The following MAST2 variants were observed in gnomAD, a reference collection of about 807,000 sequenced individuals.
MAST2 encodes the protein microtubule associated serine/threonine kinase 2, also known as microtubule-associated serine/threonine-protein kinase 2.
In MAST2, 70 loss-of-function variants were observed where a neutral mutation model predicts 147.4. The observed-to-expected ratio is 0.47, with a 90% confidence interval of 0.39 to 0.58. MAST2 has a LOEUF of 0.58. MAST2 is among the 20% of genes least tolerant of loss of function. MAST2 has a pLI of 0.00. For synonymous variants in MAST2, 869 were observed against 896.8 expected (o/e 0.97, Z 0.55); for missense variants, 2,080 against 2,302.3 (o/e 0.90, Z 1.98).
intron 2 of MAST2, among the ~76,000 whole-genome samples, chr1:45,827,093 G>T (rs952101527): frequency 6.6e-6 from 1 of 152,192 alleles, no homozygotes; most frequent in Non-Finnish European, 1.5e-5. Flanking sequence ...CTCCCAAAGT[G>T]CTGGAATTAC....
chr1:45,887,169 C>A (rs189360076), intron 4 of MAST2, among the ~76,000 whole-genome samples: 6 of 152,326 alleles, frequency 3.9e-5, no homozygotes, highest in African/African-American at 1.4e-4. Context: ...AGTACCTAGA[C>A]CCTGCATTTG....
intron 18 of MAST2, 129 bp from the exon 19 acceptor site, chr1:46,029,337 G>A: frequency 1.5e-6 from 1 of 675,258 alleles, no homozygotes; most frequent in Non-Finnish European, 2.5e-6. Context: ...GGGGTCCCAG[G>A]CAAGGCTTTC....
chr1:45,872,313 C>T (rs1186993394), intron 3 of MAST2, among the ~76,000 whole-genome samples: 1 of 152,168 alleles, frequency 6.6e-6, no homozygotes, highest in Non-Finnish European at 1.5e-5. Context: ...CAAGGACCAG[C>T]CTTGTGACTC....
At chr1:45,836,933 C>T (rs1570304902) in intron 3 of MAST2, among the ~76,000 whole-genome samples, 1 of 152,168 alleles carries the variant, frequency 6.6e-6, no homozygotes, top group East Asian at 1.9e-4. Context: ...TGAAACTGTT[C>T]CACCTCAGAT....
At chr1:45,964,118 C>T (rs954718969) in intron 5 of MAST2, among the ~76,000 whole-genome samples, 1 of 152,142 alleles carries the variant, frequency 6.6e-6, no homozygotes, top group Non-Finnish European at 1.5e-5. Context: ...TTCAGTTTGC[C>T]AGTATTTTAT....
Position 45,824,620 on chromosome 1 carries a change from A to G in MAST2, c.325+40A>G, listed in dbSNP as rs151053552. Reference sequence around the variant, plus strand: ...TTGTTGTTTTAAGAAATGTGGGACCATGTGGTCAATATTTAAGTGTATATT... The same window carrying G: ...TTGTTGTTTTAAGAAATGTGGGACCGTGTGGTCAATATTTAAGTGTATATT... On this transcript the variant is annotated intron_variant, in intron 2 of 28. Coordinates refer to ENST00000361297, the MANE Select transcript of MAST2 (RefSeq NM_015112.3). The G allele has an allele frequency of 8.3e-5, 127 of 1,539,262 alleles. No homozygotes were observed. The East Asian group carries it at 2.3e-3, about 28-fold the overall frequency.
intron 3 of MAST2, among the ~76,000 whole-genome samples, chr1:45,873,965 C>T (rs1646499825): frequency 6.6e-6 from 1 of 152,182 alleles, no homozygotes; most frequent in Non-Finnish European, 1.5e-5. Context: ...GGACTGCTGG[C>T]ACATGCCAAT....
intron 4 of MAST2, among the ~76,000 whole-genome samples, chr1:45,936,645 G>C (rs1043474445): frequency 2.6e-5 from 4 of 151,836 alleles, no homozygotes; most frequent in African/African-American, 9.7e-5. Context: ...CACTTCACTG[G>C]GTCTCCAATA....
In MAST2 at chr1:46,034,157, C is replaced by T; in HGVS notation, c.3759C>T (p.Arg1253=). The T allele has an allele frequency of 3.7e-6, 6 of 1,614,210 alleles. No individual in the cohort carries two copies. Among genetic ancestry groups the T allele is most frequent in the Non-Finnish European group, 5.1e-6 (6 of 1,180,038 alleles). ...HTSRSLSSLN[R]SLSSGESGPG... ...GCCGCAGCCTTTCTTCCCTTAACCGCTCCTTGTCATCAGGGGAGAGTGGGC... is the reference window on the plus strand; with the variant it reads ...GCCGCAGCCTTTCTTCCCTTAACCGTTCCTTGTCATCAGGGGAGAGTGGGC... Residue 1253 remains arginine, a synonymous_variant, in exon 28 of 29, where the codon CGC becomes CGT. Coordinates refer to ENST00000361297, the MANE Select transcript of MAST2 (RefSeq NM_015112.3).
intron 3 of MAST2, among the ~76,000 whole-genome samples, chr1:45,834,577 TTAGA>T (rs1389225290): frequency 3.3e-5 from 5 of 152,172 alleles, no homozygotes; most frequent in Non-Finnish European, 2.9e-5. Flanking sequence ...GGAGTAAAAC[TTAGA>T]TAGCGTCTTG....
At chr1:45,834,278 A>C (rs1283247343) in intron 3 of MAST2, among the ~76,000 whole-genome samples, 1 of 152,190 alleles carries the variant, frequency 6.6e-6, no homozygotes, top group East Asian at 1.9e-4. Flanking sequence ...GAATTATACT[A>C]GTTATAATTA....
intron 27 of MAST2, 47 bp downstream of exon 27, chr1:46,033,985 C>G: frequency 1.2e-6 from 2 of 1,610,054 alleles, no homozygotes; most frequent in South Asian, 1.1e-5. Flanking sequence ...CACATGAGTG[C>G]TGGTACGTGG....
intron 3 of MAST2, chr1:45,847,109 A>G (rs541562362): frequency 3.7e-5 from 18 of 488,288 alleles, no homozygotes; most frequent in African/African-American, 3.6e-4. Context: ...TGGGAATTGC[A>G]TCATTAGCAC....
chr1:45,988,710 A>T (rs1227663840), intron 5 of MAST2, among the ~76,000 whole-genome samples: 1 of 152,198 alleles, frequency 6.6e-6, no homozygotes, highest in Non-Finnish European at 1.5e-5. Flanking sequence ...TCTAGATCAG[A>T]CTGTAATCCA....
chr1:45,837,767 G>A (rs900109387), intron 3 of MAST2, among the ~76,000 whole-genome samples: 4 of 152,086 alleles, frequency 2.6e-5, no homozygotes, highest in African/African-American at 9.7e-5. Context: ...CATCTTATCA[G>A]TACTAGGTAT....
chr1:45,915,964 ATTAAC>A (rs927515537), intron 4 of MAST2, among the ~76,000 whole-genome samples: 2 of 152,194 alleles, frequency 1.3e-5, no homozygotes, highest in African/African-American at 4.8e-5. Flanking sequence ...AAAATGAGAA[ATTAAC>A]TTAAAATTAA....
intron 10 of MAST2, among the ~76,000 whole-genome samples, chr1:46,019,117 TTA>T (rs1646078572): frequency 1.3e-5 from 2 of 152,338 alleles, no homozygotes; most frequent in East Asian, 3.9e-4. Flanking sequence ...ATCTGAATTA[TTA>T]GAGTTGCCTG....
At chr1:45,839,115 A>T (rs1458661998) in intron 3 of MAST2, among the ~76,000 whole-genome samples, 1 of 146,062 alleles carries the variant, frequency 6.8e-6, no homozygotes, top group South Asian at 2.2e-4. Flanking sequence ...CTGGGACTAC[A>T]GGCACCATCA....
rs779766685 is a variant in MAST2, at chr1:46,010,789, C to G, written c.1038C>G (p.Ser346Arg). 2 of 1,614,052 alleles carry G rather than the reference C, an allele frequency of 1.2e-6. No homozygotes were observed. Among genetic ancestry groups the G allele is most frequent in the Non-Finnish European group, 1.7e-6 (2 of 1,180,032 alleles). Residue 346 changes from serine (S) to arginine (R), a missense_variant, in exon 10 of 29, where the codon AGC becomes AGG. By Grantham distance (110) the Ser-to-Arg change is moderately radical. Coordinates refer to ENST00000361297, the MANE Select transcript of MAST2 (RefSeq NM_015112.3). Reference protein sequence around the residue: ...AEFISSNTPDSVLPLADGALS... With the variant: ...AEFISSNTPDRVLPLADGALS... ...TTATTTCCTCCAACACTCCAGACAG[C>G]GTGCTGCCCTTGGCAGATGGAGCCC...
Sources: allele counts gnomAD v4.1 joint callset (sites outside exome capture counted in the v4.1 genomes callset), GRCh38; gene constraint gnomAD v4.1.1; transcripts MANE v1.5; gene names NCBI Gene and HGNC (gene_info 2026-07-23, HGNC 2026-07-21).